AFF2: variants seen among roughly 807,000 people sequenced by gnomAD.
The protein encoded by AFF2 is AF4/FMR2 family member 2.
Under a neutral mutation model 76.9 loss-of-function variants are expected in AFF2, and 14 were observed. That is an observed-to-expected ratio of 0.18 (90% CI 0.12 to 0.28). The LOEUF is 0.28. Ranked by LOEUF, AFF2 falls within the 10% of genes least tolerant of loss-of-function variation. The pLI, the probability that AFF2 is intolerant of heterozygous loss-of-function variation, is 1.00. For synonymous variants in AFF2, 398 were observed against 366.7 expected (o/e 1.09, Z -0.98); for missense variants, 868 against 1,001.1 (o/e 0.87, Z 1.79).
chrX:148,839,865 CCT>C (rs2070574669), intron 5 of AFF2, among the ~76,000 whole-genome samples: 1 of 104,606 alleles, frequency 9.6e-6, no homozygotes, highest in Non-Finnish European at 1.9e-5. Context: ...TTCCTCTAAA[CCT>C]CTGTTTCCCC....
rs1491199224 is a variant in AFF2, at chrX:148,681,564, CAG to C, written c.1041+18797_1041+18798del. ...TGTGTGTGTGTGTGTGTGTGTGTGTCAGTGTGTGTGTGTGTGTGTGAGAGAGA... is the reference window on the plus strand; with the variant it reads ...TGTGTGTGTGTGTGTGTGTGTGTGTCTGTGTGTGTGTGTGTGTGAGAGAGA... On this transcript the variant is annotated intron_variant, in intron 3 of 20. Coordinates refer to ENST00000370460, the MANE Select transcript of AFF2 (RefSeq NM_002025.4). Among the ~76,000 whole-genome samples, 5 of 57,784 alleles carry C rather than the reference CAG, an allele frequency of 8.7e-5. No homozygotes were observed. In the East Asian group the frequency reaches 1.9e-3, roughly 21 times the overall value. 50.2% of individuals were successfully genotyped at this position (57,784 alleles called of 115,157 possible). A position where few individuals can be genotyped will look rare whatever the true frequency, so the allele number is the denominator to read the frequency against.
chrX:148,768,561 C>T (rs911021829), intron 3 of AFF2, among the ~76,000 whole-genome samples: 3 of 111,507 alleles, frequency 2.7e-5, no homozygotes, highest in African/African-American at 6.5e-5. Flanking sequence ...CACACACACA[C>T]ACACCCATAA....
At chrX:148,960,732 AG>A (rs2072099401) in intron 12 of AFF2, among the ~76,000 whole-genome samples, 1 of 112,037 alleles carries the variant, frequency 8.9e-6, no homozygotes, top group African/African-American at 3.2e-5. Context: ...TGACAGCTAT[AG>A]TTCCCCATAG....
Position 148,824,060 on chromosome X carries a change from C to CCTCTCTCTCTCTCT in AFF2, c.1087-13576_1087-13563dup, listed in dbSNP as rs60032031. 7.9e-3 allele frequency among the ~76,000 whole-genome samples: 760 copies of CCTCTCTCTCTCTCT among 96,629 alleles called. 10 individuals are homozygous for CCTCTCTCTCTCTCT. Among genetic ancestry groups the CCTCTCTCTCTCTCT allele is most frequent in the African/African-American group, 0.029 (718 of 25,146 alleles). 83.9% of individuals were successfully genotyped at this position (96,629 alleles called of 115,157 possible). On this transcript the variant is annotated intron_variant, in intron 4 of 20. Coordinates refer to ENST00000370460, the MANE Select transcript of AFF2 (RefSeq NM_002025.4). Reference sequence around the variant, plus strand: ...CCCAGGAATTGATTCATATTTGCTTCCTCTCTCTCTCTCTCTCTCTCTCTT... The same window carrying CCTCTCTCTCTCTCT: ...CCCAGGAATTGATTCATATTTGCTTCCTCTCTCTCTCTCTCTCTCTCTCTCTCTCTCTCTCTCTT...
chrX:148,845,337 G>A (rs1475463158), intron 7 of AFF2, among the ~76,000 whole-genome samples: 2 of 112,007 alleles, frequency 1.8e-5, no homozygotes, highest in Non-Finnish European at 3.8e-5. Flanking sequence ...AAATAAACTC[G>A]TCAATTGTGG....
At chrX:148,583,822 A>G (rs2053438386) in intron 1 of AFF2, among the ~76,000 whole-genome samples, 1 of 111,707 alleles carries the variant, frequency 9.0e-6, no homozygotes, top group Admixed American at 9.6e-5. Context: ...AATTAACTCA[A>G]TTCTAGAATA....
chrX:148,770,843 T>C (rs1311642707), intron 3 of AFF2, among the ~76,000 whole-genome samples: 1 of 112,224 alleles, frequency 8.9e-6, no homozygotes, highest in African/African-American at 3.2e-5. Context: ...AGAGTTAACA[T>C]TGCAGTACTG....
chrX:148,595,774 A>G (rs149804932), intron 1 of AFF2, among the ~76,000 whole-genome samples: 3,683 of 111,907 alleles, frequency 0.033, 172 homozygotes, highest in African/African-American at 0.12. Flanking sequence ...AGGGATGACA[A>G]GTATTCCAGT....
At chrX:148,859,515 A>T (rs782086469) in intron 7 of AFF2, among the ~76,000 whole-genome samples, 1 of 111,013 alleles carries the variant, frequency 9.0e-6, no homozygotes, top group South Asian at 3.7e-4. Flanking sequence ...AAGATGAATA[A>T]CTATAAACAA....
chrX:148,622,205 G>A (rs1002378106), intron 1 of AFF2, among the ~76,000 whole-genome samples: 5 of 112,035 alleles, frequency 4.5e-5, no homozygotes, highest in Non-Finnish European at 9.4e-5. Context: ...GGGTTGAGCT[G>A]TAGTAGTCAG....
intron 9 of AFF2, among the ~76,000 whole-genome samples, chrX:148,948,469 G>A (rs1253840815): frequency 6.3e-5 from 7 of 111,723 alleles, no homozygotes; most frequent in Non-Finnish European, 1.1e-4. Context: ...TGGGTAGTGG[G>A]GCCAGTGGTG....
At chrX:148,990,140 T>C (rs990638562) in intron 20 of AFF2, among the ~76,000 whole-genome samples, 4 of 112,552 alleles carry the variant, frequency 3.6e-5, no homozygotes, top group African/African-American at 1.3e-4. Context: ...AAAAGTATCA[T>C]ATAATCAAAT....
intron 9 of AFF2, among the ~76,000 whole-genome samples, chrX:148,908,051 G>A (rs782477753): frequency 9.6e-4 from 107 of 111,717 alleles, no homozygotes; most frequent in African/African-American, 3.4e-3. Context: ...GCTCTGTTCC[G>A]CCCGGCTCAC....
intron 19 of AFF2, among the ~76,000 whole-genome samples, chrX:148,987,150 T>C (rs782330444): frequency 9.0e-6 from 1 of 111,681 alleles, no homozygotes; most frequent in African/African-American, 3.3e-5. Context: ...TGACAAAAGC[T>C]ATTGCATTGA....
intron 3 of AFF2, among the ~76,000 whole-genome samples, chrX:148,665,121 C>T (rs2054345034): frequency 8.9e-6 from 1 of 112,093 alleles, no homozygotes; most frequent in Admixed American, 9.5e-5. Context: ...CAGCCTGTTT[C>T]CATACCTCAT....
At chrX:148,914,204 G>A (rs1448669645) in intron 9 of AFF2, among the ~76,000 whole-genome samples, 1 of 111,500 alleles carries the variant, frequency 9.0e-6, no homozygotes. Context: ...TTTCAAGAGA[G>A]CAGAACAACA....
intron 3 of AFF2, among the ~76,000 whole-genome samples, chrX:148,773,678 G>A (rs111242055): frequency 0.032 from 2,671 of 82,734 alleles, 53 homozygotes; most frequent in Middle Eastern, 0.086. Context: ...AAGAAGGAAG[G>A]AAGGAAGGAA....
chrX:148,967,215 C>T, intron 14 of AFF2, 136 bp downstream of exon 14: 3 of 930,628 alleles, frequency 3.2e-6, no homozygotes, highest in Non-Finnish European at 4.3e-6. Context: ...AAAAGTCCAC[C>T]CCACCCCCTG....
chrX:148,847,453 C>A (rs1401625577), intron 7 of AFF2, among the ~76,000 whole-genome samples: 2 of 112,208 alleles, frequency 1.8e-5, no homozygotes, highest in African/African-American at 6.5e-5. Context: ...CCCCATTTAA[C>A]TGAGCAGCTC....
Sources: allele counts gnomAD v4.1 joint callset (sites outside exome capture counted in the v4.1 genomes callset), GRCh38; gene constraint gnomAD v4.1.1; transcripts MANE v1.5; gene names NCBI Gene and HGNC (gene_info 2026-07-23, HGNC 2026-07-21).